The following UBOX5 variants were observed in gnomAD, a reference collection of about 807,000 sequenced individuals.
The protein encoded by UBOX5 is U-box domain containing 5, also known as RING finger protein 37.
Under a neutral mutation model 39.0 loss-of-function variants are expected in UBOX5, and 28 were observed. That is an observed-to-expected ratio of 0.72 (90% confidence interval 0.53 to 0.98). UBOX5 has a LOEUF of 0.98. Among genes scored for constraint, UBOX5 ranks in the 50% least tolerant of loss-of-function variants. The probability of loss-of-function intolerance (pLI) is 0.00; values close to 1 mark genes in which losing one functional copy is unlikely to be tolerated. For synonymous variants in UBOX5, 283 were observed against 275.5 expected (o/e 1.03, Z -0.27); for missense variants, 585 against 674.4 (o/e 0.87, Z 1.47).
At chr20:3,134,319 T>C (rs1468656857) in intron 1 of UBOX5, among the ~76,000 whole-genome samples, 1 of 152,170 alleles carries the variant, frequency 6.6e-6, no homozygotes, top group Non-Finnish European at 1.5e-5. Context: ...TTACTTATGT[T>C]GTTTAAAATT....
intron 1 of UBOX5, among the ~76,000 whole-genome samples, chr20:3,141,595 G>A (rs1386143361): frequency 4.6e-5 from 7 of 152,098 alleles, no homozygotes; most frequent in African/African-American, 7.2e-5. Context: ...GTGGTTAGCC[G>A]AGATTATGCC....
intron 1 of UBOX5, among the ~76,000 whole-genome samples, chr20:3,123,693 C>T (rs1484061867): frequency 6.6e-6 from 1 of 152,198 alleles, no homozygotes; most frequent in Non-Finnish European, 1.5e-5. Context: ...GGCCCATCAG[C>T]TGTGCTGGGG....
Position 3,108,958 on chromosome 20 carries a change from A to G in UBOX5, c.*1148T>C, listed in dbSNP as rs1329363844. 1 of 151,248 alleles carries G rather than the reference A, an allele frequency of 6.6e-6. No individual in the cohort carries two copies. Among genetic ancestry groups the G allele is most frequent in the Non-Finnish European group, 1.5e-5 (1 of 67,866 alleles). The allele number at this position is 151,248 out of a possible 1,614,324, so 9.4% of individuals were successfully genotyped here. A position where few individuals can be genotyped will look rare whatever the true frequency, so the allele number is the denominator to read the frequency against. On this transcript the variant is annotated 3_prime_UTR_variant, in exon 5 of 5. Transcript: ENST00000217173. ...AATTAAAAAAAAAAAAAAAAAAGCAACTAACCCCAAACCCAGATCTCTAAA... is the reference window on the plus strand; with the variant it reads ...AATTAAAAAAAAAAAAAAAAAAGCAGCTAACCCCAAACCCAGATCTCTAAA...
At chr20:3,132,965 A>C (rs1231729913) in intron 1 of UBOX5, among the ~76,000 whole-genome samples, 2 of 151,972 alleles carry the variant, frequency 1.3e-5, no homozygotes, top group Non-Finnish European at 2.9e-5. Context: ...CTACAAAAAA[A>C]AAAATTAAAT....
At chr20:3,129,597 C>CG (rs551328739) in intron 1 of UBOX5, among the ~76,000 whole-genome samples, 83 of 152,200 alleles carry the variant, frequency 5.5e-4, no homozygotes, top group Non-Finnish European at 9.8e-4. Context: ...CTCATTGGCA[C>CG]TGTGTGACAA....
intron 4 of UBOX5, among the ~76,000 whole-genome samples, chr20:3,114,998 G>A (rs1433354721): frequency 6.6e-6 from 1 of 152,052 alleles, no homozygotes; most frequent in Non-Finnish European, 1.5e-5. Context: ...AAATCCTCAG[G>A]AGAAAATAAT....
Position 3,131,059 on chromosome 20 carries a change from A to T in UBOX5, c.-41-7653T>A, listed in dbSNP as rs140534499. Among the ~76,000 whole-genome samples, 589 of 152,112 alleles carry T rather than the reference A, an allele frequency of 3.9e-3. 5 individuals carry two copies. Among genetic ancestry groups the T allele is most frequent in the Middle Eastern group, 0.024 (7 of 294 alleles). On this transcript the variant is annotated intron_variant, in intron 1 of 4. Transcript: ENST00000217173. ...AGCCTGGGCAATATGGTGAAACCCT[A>T]TCTCTATGAAAATACAAAAATTATC...
chr20:3,112,641 A>C (rs1255079000), intron 4 of UBOX5, among the ~76,000 whole-genome samples: 1 of 152,112 alleles, frequency 6.6e-6, no homozygotes, highest in Non-Finnish European at 1.5e-5. Flanking sequence ...AGCACAAAGA[A>C]CAGCCTATCC....
Position 3,124,463 on chromosome 20 carries a change from C to T in UBOX5, c.-41-1057G>A, listed in dbSNP as rs964605145. The stretch of plus-strand genomic sequence containing the variant: ...AGGCTGGAGTGCAGTGGCGTGATCT[C>T]GGCTCGCTACAACCTCCACCTCCCA... On this transcript the variant is annotated intron_variant, in intron 1 of 4. Coordinates refer to ENST00000217173, the MANE Select transcript of UBOX5 (RefSeq NM_014948.4). Among the ~76,000 whole-genome samples, 7 of 152,306 alleles carry T rather than the reference C, an allele frequency of 4.6e-5. No homozygotes were observed. In the East Asian group the frequency reaches 1.2e-3, roughly 25 times the overall value.
At chr20:3,126,907 G>C (rs905609216) in intron 1 of UBOX5, among the ~76,000 whole-genome samples, 1 of 151,714 alleles carries the variant, frequency 6.6e-6, no homozygotes, top group African/African-American at 2.4e-5. Flanking sequence ...ATGGTGGCAG[G>C]CACCTGTAAT....
intron 3 of UBOX5, among the ~76,000 whole-genome samples, chr20:3,119,237 G>A (rs924981932): frequency 4.8e-4 from 73 of 152,340 alleles, no homozygotes; most frequent in Non-Finnish European, 1.5e-4. Context: ...GCAAGGAACC[G>A]AGGGCAGCCT....
intron 1 of UBOX5, among the ~76,000 whole-genome samples, chr20:3,142,257 T>C (rs1265329855): frequency 6.7e-6 from 1 of 149,182 alleles, no homozygotes; most frequent in Non-Finnish European, 1.5e-5. Context: ...AGGCCAGGAG[T>C]TCGAGACCAG....
chr20:3,140,014 C>CTTTTTTT (rs138435815), intron 1 of UBOX5, among the ~76,000 whole-genome samples: 127 of 78,336 alleles, frequency 1.6e-3, no homozygotes, highest in East Asian at 2.5e-3. Context: ...GGCCTTTTTA[C>CTTTTTTT]TTTTTTTTTT....
intron 1 of UBOX5, chr20:3,147,572 C>A: frequency 1.2e-6 from 2 of 1,614,186 alleles, no homozygotes; most frequent in Non-Finnish European, 1.7e-6. Flanking sequence ...CTGAGCTAAC[C>A]TGACAAACCC....
intron 1 of UBOX5, among the ~76,000 whole-genome samples, chr20:3,135,255 T>C (rs1279797088): frequency 6.6e-6 from 1 of 152,146 alleles, no homozygotes; most frequent in Non-Finnish European, 1.5e-5. Context: ...GACACATGCC[T>C]GATCTCATGG....
intron 1 of UBOX5, among the ~76,000 whole-genome samples, chr20:3,138,716 C>G (rs1001763727): frequency 6.6e-5 from 10 of 152,152 alleles, no homozygotes; most frequent in African/African-American, 2.4e-4. Context: ...TCTGTGCTTC[C>G]TTGGAGCTTG....
intron 1 of UBOX5, among the ~76,000 whole-genome samples, chr20:3,152,135 C>T (rs917688549): frequency 7.3e-6 from 1 of 136,258 alleles, no homozygotes; most frequent in Admixed American, 7.6e-5. Context: ...ACCAAAAAAA[C>T]AGAGATAGCA....
intron 1 of UBOX5, among the ~76,000 whole-genome samples, chr20:3,131,097 C>T (rs1163339531): frequency 1.3e-5 from 2 of 151,954 alleles, no homozygotes; most frequent in African/African-American, 2.4e-5. Flanking sequence ...GGCATGGTGG[C>T]GTGAGCCTGT....
chr20:3,142,123 C>T (rs1048087697), intron 1 of UBOX5, among the ~76,000 whole-genome samples: 1 of 148,296 alleles, frequency 6.7e-6, no homozygotes, highest in Non-Finnish European at 1.5e-5. Context: ...AGTGCCACTG[C>T]ACTCCCAGTA....
Sources: allele counts gnomAD v4.1 joint callset (sites outside exome capture counted in the v4.1 genomes callset), GRCh38; gene constraint gnomAD v4.1.1; transcripts MANE v1.5; gene names NCBI Gene and HGNC (gene_info 2026-07-23, HGNC 2026-07-21).